SLC4A10: variants seen among roughly 807,000 people sequenced by gnomAD.
SLC4A10 encodes solute carrier family 4 member 10, also known as sodium-driven chloride bicarbonate exchanger.
Under a neutral mutation model 137.7 loss-of-function variants are expected in SLC4A10, and 42 were observed. The observed-to-expected ratio is 0.30, with a 90% CI of 0.24 to 0.39. The LOEUF is 0.39. Among genes scored for constraint, SLC4A10 ranks in the 10% least tolerant of loss-of-function variants. The pLI is 1.00. For synonymous variants in SLC4A10, 474 were observed against 464.1 expected (o/e 1.02, Z -0.27); for missense variants, 925 against 1,355.0 (o/e 0.68, Z 4.98).
intron 1 of SLC4A10, among the ~76,000 whole-genome samples, chr2:161,637,621 T>C (rs997099473): frequency 5.9e-5 from 9 of 152,166 alleles, no homozygotes; most frequent in Non-Finnish European, 1.2e-4. Flanking sequence ...CTTCAACATA[T>C]GGATTTCATT....
At chr2:161,770,030 A>C (rs1307188041) in intron 1 of SLC4A10, among the ~76,000 whole-genome samples, 1 of 151,926 alleles carries the variant, frequency 6.6e-6, no homozygotes, top group Non-Finnish European at 1.5e-5. Flanking sequence ...TCAAAGAGGA[A>C]ACAAAAACCT....
At chr2:161,744,413 T>A (rs2048210133) in intron 1 of SLC4A10, among the ~76,000 whole-genome samples, 1 of 152,208 alleles carries the variant, frequency 6.6e-6, no homozygotes, top group Non-Finnish European at 1.5e-5. Context: ...CTTCTCTTTG[T>A]TGATATGTGA....
Position 161,670,070 on chromosome 2 carries a change from G to A in SLC4A10, c.48+45504G>A, listed in dbSNP as rs185528520. 2.5e-4 allele frequency among the ~76,000 whole-genome samples: 38 copies of A among 152,196 alleles called. No individual in the cohort carries two copies. In the East Asian group the frequency reaches 6.4e-3, roughly 26 times the overall value. On this transcript the variant is annotated intron_variant, in intron 1 of 26. Coordinates refer to ENST00000446997, the MANE Select transcript of SLC4A10 (RefSeq NM_001178015.2). Reference sequence around the variant, plus strand: ...TTTGTGTAATAATTATACCCACTTCGTGGGTTGTAGTGAAGATCAAATTAA... The same window carrying A: ...TTTGTGTAATAATTATACCCACTTCATGGGTTGTAGTGAAGATCAAATTAA...
intron 5 of SLC4A10, among the ~76,000 whole-genome samples, chr2:161,855,843 C>T (rs1237369820): frequency 3.3e-5 from 5 of 151,804 alleles, no homozygotes; most frequent in East Asian, 3.9e-4. Context: ...GTTTTAAAAA[C>T]ACAAACAAAG....
At chr2:161,907,052 T>C (rs1684587950) in intron 15 of SLC4A10, among the ~76,000 whole-genome samples, 1 of 94,026 alleles carries the variant, frequency 1.1e-5, no homozygotes, top group Non-Finnish European at 2.0e-5. Flanking sequence ...CGAGACTCCG[T>C]CTCAAAAAAA....
intron 19 of SLC4A10, among the ~76,000 whole-genome samples, chr2:161,952,143 C>G (rs1348351577): frequency 2.6e-5 from 4 of 152,066 alleles, no homozygotes; most frequent in Admixed American, 2.6e-4. Context: ...TAAGGGCCAT[C>G]AGTTAAATGG....
chr2:161,733,657 A>G (rs1250512028), intron 1 of SLC4A10, among the ~76,000 whole-genome samples: 2 of 152,238 alleles, frequency 1.3e-5, no homozygotes, highest in East Asian at 1.9e-4. Flanking sequence ...TCCAGATCCC[A>G]GAATAGTAGA....
At chr2:161,821,235 A>AT (rs571285058) in intron 3 of SLC4A10, among the ~76,000 whole-genome samples, 6 of 152,102 alleles carry the variant, frequency 3.9e-5, no homozygotes, top group Admixed American at 6.6e-5. Flanking sequence ...TCATAATGGT[A>AT]TTTTTTTGAT....
intron 1 of SLC4A10, among the ~76,000 whole-genome samples, chr2:161,640,664 C>G (rs935705950): frequency 8.4e-6 from 1 of 118,782 alleles, no homozygotes; most frequent in African/African-American, 3.1e-5. Context: ...TTCCTTCTTT[C>G]TTTTTGAGAT....
At chr2:161,770,791 G>T (rs2051494163) in intron 1 of SLC4A10, among the ~76,000 whole-genome samples, 182 bp from the exon 2 acceptor site, 1 of 151,530 alleles carries the variant, frequency 6.6e-6, no homozygotes, top group Non-Finnish European at 1.5e-5. Context: ...TCAAATATGT[G>T]GTCAAATTTA....
chr2:161,858,106 T>G (rs1225475177), intron 5 of SLC4A10, among the ~76,000 whole-genome samples: 5 of 152,186 alleles, frequency 3.3e-5, no homozygotes, highest in Non-Finnish European at 5.9e-5. Flanking sequence ...TTTACCATGA[T>G]TTTTCTCTGT....
At chr2:161,938,518 CATT>C (rs1296509754) in intron 15 of SLC4A10, among the ~76,000 whole-genome samples, 9 of 150,922 alleles carry the variant, frequency 6.0e-5, no homozygotes, top group Admixed American at 4.0e-4. Flanking sequence ...ATAGATTATA[CATT>C]ATTATCGATA....
intron 1 of SLC4A10, among the ~76,000 whole-genome samples, chr2:161,769,935 A>G (rs941319790): frequency 2.6e-5 from 4 of 151,872 alleles, no homozygotes; most frequent in Non-Finnish European, 5.9e-5. Context: ...TGATGCTCCA[A>G]TGTAGTTGCT....
intron 15 of SLC4A10, among the ~76,000 whole-genome samples, chr2:161,922,084 T>C (rs943719568): frequency 1.3e-5 from 2 of 152,194 alleles, no homozygotes; most frequent in African/African-American, 4.8e-5. Context: ...AATTACATTA[T>C]ACAAATGACG....
chr2:161,794,170 C>G (rs1243331707), intron 2 of SLC4A10, among the ~76,000 whole-genome samples: 1 of 152,036 alleles, frequency 6.6e-6, no homozygotes, highest in African/African-American at 2.4e-5. Context: ...ATCGCCAACT[C>G]TAGTGGCCTT....
chr2:161,764,234 G>A (rs2050564816), intron 1 of SLC4A10, among the ~76,000 whole-genome samples: 1 of 152,030 alleles, frequency 6.6e-6, no homozygotes, highest in Admixed American at 6.6e-5. Context: ...ATATTGTTAA[G>A]TAAGAAAAGC....
intron 10 of SLC4A10, among the ~76,000 whole-genome samples, chr2:161,889,410 G>T (rs150085229): frequency 6.6e-5 from 10 of 151,958 alleles, no homozygotes; most frequent in African/African-American, 2.4e-4. Flanking sequence ...TCCATCTGGT[G>T]CTGGGCTTTT....
intron 3 of SLC4A10, among the ~76,000 whole-genome samples, chr2:161,820,022 A>G (rs62187697): frequency 0.057 from 8,743 of 152,296 alleles, 350 homozygotes; most frequent in Non-Finnish European, 0.08. Flanking sequence ...GATTATGCCA[A>G]TTACAATTAG....
chr2:161,932,860 TA>T lies in SLC4A10; in HGVS notation c.1998-9931del, dbSNP rs1388213740. On this transcript the variant is annotated intron_variant, in intron 15 of 26. Coordinates refer to ENST00000446997, the MANE Select transcript of SLC4A10 (RefSeq NM_001178015.2). ...GAGCTACAGTTGCTCTAGATGTGTC[TA>T]GGTCTGATCTTTTCTCCCCATACTC... Among the ~76,000 whole-genome samples the T allele has an allele frequency of 4.6e-5, 7 of 152,240 alleles. No individual in the cohort carries two copies. In the South Asian group the frequency reaches 6.3e-4, roughly 14 times the overall value.
Sources: gnomAD v4.1 joint callset for allele counts (sites outside exome capture counted in the v4.1 genomes callset) on GRCh38, gnomAD v4.1.1 for gene constraint, MANE v1.5 for transcripts, NCBI Gene and HGNC (gene_info 2026-07-23, HGNC 2026-07-21) for gene names.